The following HNRNPM variants were observed in gnomAD, a reference collection of about 807,000 sequenced individuals.
HNRNPM encodes the protein heterogeneous nuclear ribonucleoprotein M.
In HNRNPM, 11 loss-of-function variants were observed where a neutral mutation model predicts 73.1. The ratio of observed to expected loss-of-function variants is 0.15; its 90% CI spans 0.09 to 0.25. The LOEUF (loss-of-function observed/expected upper bound fraction) is 0.25, where lower values mean the gene tolerates loss of function less well. HNRNPM is among the 10% of genes least tolerant of loss of function. The pLI is 1.00. For missense variants in HNRNPM, 789 were observed against 1,067.9 expected, an observed-to-expected ratio of 0.74 and a Z score of 3.64; for synonymous variants, 407 against 355.2, an observed-to-expected ratio of 1.15 and a Z score of -1.64.
chr19:8,467,491 C>T lies in HNRNPM; in HGVS notation c.785-44C>T, dbSNP rs775113098. The stretch of plus-strand genomic sequence containing the variant: ...TCTTTCTTTTTGTATTTCTCTTGTG[C>T]ACATTTTTAGAATTGCAAGAAATAG... On this transcript the variant is annotated intron_variant, in intron 7 of 15. Transcript: ENST00000325495. 4.8e-6 allele frequency: 7 copies of T among 1,467,438 alleles called. No individual in the cohort carries two copies. The East Asian group carries it at 1.6e-4, about 33-fold the overall frequency. 90.9% of individuals were successfully genotyped at this position (1,467,438 alleles called of 1,614,324 possible).
chr19:8,476,848 TG>T (rs1327141549), intron 12 of HNRNPM, among the ~76,000 whole-genome samples: 1 of 152,172 alleles, frequency 6.6e-6, no homozygotes, highest in Admixed American at 6.5e-5. Flanking sequence ...GCTGCGGGGC[TG>T]CAGGGTTCTG....
chr19:8,466,750 C>G (rs1022624695), intron 7 of HNRNPM, among the ~76,000 whole-genome samples: 1 of 133,364 alleles, frequency 7.5e-6, no homozygotes, highest in South Asian at 2.6e-4. Flanking sequence ...CGCTTGAACC[C>G]GGGAGGTGGA....
At chr19:8,465,635 C>T in intron 6 of HNRNPM, 120 bp downstream of exon 6, 1 of 752,266 alleles carries the variant, frequency 1.3e-6, no homozygotes, top group Non-Finnish European at 2.1e-6. Flanking sequence ...GGGTTTTGTT[C>T]TTGATTTCTT....
At chr19:8,463,447 T>G (rs747349673) in intron 3 of HNRNPM, 50 bp from the exon 4 acceptor site, 10 of 1,600,654 alleles carry the variant, frequency 6.2e-6, no homozygotes, top group Non-Finnish European at 7.7e-6. Flanking sequence ...TTTTTTCTTT[T>G]CTTTTTCCCC....
chr19:8,451,168 A>G (rs1382093025), intron 1 of HNRNPM, among the ~76,000 whole-genome samples: 2 of 151,836 alleles, frequency 1.3e-5, no homozygotes, highest in Non-Finnish European at 2.9e-5. Context: ...CGGCCTCCCA[A>G]AGTGCTGGGA....
At chr19:8,458,084 AAGTAGCT>A (rs1473398598) in intron 2 of HNRNPM, among the ~76,000 whole-genome samples, 1 of 152,222 alleles carries the variant, frequency 6.6e-6, no homozygotes, top group African/African-American at 2.4e-5. Context: ...CTCAGAACTA[AAGTAGCT>A]AGCTTTGAGA....
intron 2 of HNRNPM, 150 bp downstream of exon 2, chr19:8,455,724 A>AT: frequency 3.4e-5 from 16 of 475,822 alleles, no homozygotes; most frequent in African/African-American, 6.4e-5. Flanking sequence ...ACCCCACCTC[A>AT]GTTTTTTTTT....
intron 12 of HNRNPM, among the ~76,000 whole-genome samples, chr19:8,480,494 G>A (rs553356212): frequency 2.0e-5 from 3 of 151,746 alleles, no homozygotes; most frequent in East Asian, 3.9e-4. Context: ...GTGAAACCCC[G>A]TCTCTACTAC....
intron 1 of HNRNPM, among the ~76,000 whole-genome samples, chr19:8,454,939 G>C (rs1370707937): frequency 6.6e-6 from 1 of 152,000 alleles, no homozygotes; most frequent in Non-Finnish European, 1.5e-5. Context: ...GTGGAGCCTT[G>C]AGTTTGAATG....
intron 1 of HNRNPM, chr19:8,445,357 C>A: frequency 2.7e-6 from 1 of 372,662 alleles, no homozygotes; most frequent in African/African-American, 2.1e-5. Flanking sequence ...CGGGGCCAAC[C>A]CCGTAGTCGA....
At chr19:8,466,508 G>A in intron 7 of HNRNPM, 120 bp downstream of exon 7, 1 of 1,011,372 alleles carries the variant, frequency 9.9e-7, no homozygotes, top group Non-Finnish European at 1.5e-6. Flanking sequence ...TGACTAGGGG[G>A]AGTGCATTAC....
chr19:8,453,228 G>GC (rs765859337), intron 1 of HNRNPM, among the ~76,000 whole-genome samples: 32 of 152,084 alleles, frequency 2.1e-4, no homozygotes, highest in African/African-American at 7.0e-4. Flanking sequence ...TGCAACCTCC[G>GC]CCCCCCGGGT....
intron 12 of HNRNPM, among the ~76,000 whole-genome samples, chr19:8,480,824 G>A (rs1161133604): frequency 6.6e-6 from 1 of 152,112 alleles, no homozygotes; most frequent in Non-Finnish European, 1.5e-5. Context: ...TTGCCTTTGA[G>A]GTCACTTCAT....
chr19:8,486,882 T>G (rs549135768), intron 14 of HNRNPM, 142 bp from the exon 15 acceptor site: 2 of 743,370 alleles, frequency 2.7e-6, no homozygotes, highest in Non-Finnish European at 4.9e-6. Context: ...TCTATTAGTT[T>G]CCTGCTGATC....
intron 13 of HNRNPM, among the ~76,000 whole-genome samples, chr19:8,483,454 A>G (rs1482158146): frequency 6.6e-6 from 1 of 152,224 alleles, no homozygotes; most frequent in Non-Finnish European, 1.5e-5. Context: ...GAGTGAATGC[A>G]TGTGAAAGAG....
chr19:8,485,948 C>G lies in HNRNPM; in HGVS notation c.1520C>G (p.Thr507Ser). 1 of 1,604,756 alleles carries G rather than the reference C, an allele frequency of 6.2e-7. No individual in the cohort carries two copies. The highest frequency in any genetic ancestry group is 8.5e-7 in the Non-Finnish European group (1 of 1,179,008). ...GCTCCCATCGACCGTGTGGGCCAGA[C>G]CATTGAGCGCATGGGCTCTGGCGTG... The part of the protein sequence containing the change: ...MAAPIDRVGQ[T>S]IERMGSGVER... The change falls in exon 14 of 16, where the codon ACC (threonine) becomes AGC (serine). Residue 507 changes from threonine to serine, a missense_variant. By Grantham distance (58) the Thr-to-Ser change is moderately conservative. Around this residue, in one of 4 missense-constraint regions of HNRNPM, gnomAD observed 604 missense variants for 744.0 expected, o/e 0.81. Transcript: ENST00000325495.
intron 13 of HNRNPM, 23 bp downstream of exon 13, chr19:8,483,234 T>G (rs750893326): frequency 6.3e-7 from 1 of 1,595,030 alleles, no homozygotes; most frequent in Non-Finnish European, 8.6e-7. Context: ...TAGTTTGATG[T>G]TTTGTTTTTT....
intron 1 of HNRNPM, among the ~76,000 whole-genome samples, chr19:8,446,705 G>A (rs1270296496): frequency 1.3e-5 from 2 of 152,202 alleles, no homozygotes; most frequent in Non-Finnish European, 2.9e-5. Context: ...GCCCTGCCTA[G>A]TTGAGCGCTT....
intron 6 of HNRNPM, 51 bp downstream of exon 6, chr19:8,465,566 T>A: frequency 8.6e-7 from 1 of 1,162,352 alleles, no homozygotes; most frequent in Non-Finnish European, 1.2e-6. Context: ...CTTTATGAAA[T>A]GACCTTGTCA....
Sources: allele counts gnomAD v4.1 joint callset (sites outside exome capture counted in the v4.1 genomes callset), GRCh38; gene constraint gnomAD v4.1.1; regional missense constraint gnomAD v4.1.1; transcripts MANE v1.5; gene names NCBI Gene and HGNC (gene_info 2026-07-23, HGNC 2026-07-21).